PRUNE2: variants seen among roughly 807,000 people sequenced by gnomAD.
PRUNE2 encodes protein prune homolog 2.
In PRUNE2, 164 loss-of-function variants were observed where a neutral mutation model predicts 252.0. The observed-to-expected ratio is 0.65, with a 90% confidence interval of 0.57 to 0.74. PRUNE2 has a LOEUF of 0.74. Among genes scored for constraint, PRUNE2 ranks in the 30% least tolerant of loss-of-function variants. PRUNE2 has a pLI of 0.00. For synonymous variants in PRUNE2, 1,292 were observed against 1,350.2 expected (o/e 0.96, Z 0.94); for missense variants, 3,495 against 3,711.0 (o/e 0.94, Z 1.51).
rs537326070 is a variant in PRUNE2 at position 76,883,830 on chromosome 9, CTCTT to C, written c.36+22094_36+22097del. 2.6e-4 allele frequency among the ~76,000 whole-genome samples: 39 copies of C among 152,302 alleles called. No homozygotes were observed. The South Asian group carries it at 6.4e-3, about 25-fold the overall frequency. ...TGTTGCTCCTCTCATCAAGAGAAGTCTCTTTCTCCATCCCTTGAATCTAGACTTG... is the reference window on the plus strand; with the variant it reads ...TGTTGCTCCTCTCATCAAGAGAAGTCTCTCCATCCCTTGAATCTAGACTTG... On this transcript the variant is annotated intron_variant, in intron 1 of 18. Coordinates refer to ENST00000376718, the MANE Select transcript of PRUNE2 (RefSeq NM_015225.3).
chr9:76,645,640 A>G (rs1271522734), intron 11 of PRUNE2, among the ~76,000 whole-genome samples: 6 of 152,012 alleles, frequency 3.9e-5, no homozygotes, highest in Non-Finnish European at 2.9e-5. Context: ...ACTCTTGTGC[A>G]TTTAAAAAAA....
At chr9:76,780,670 G>A (rs112902959) in intron 6 of PRUNE2, among the ~76,000 whole-genome samples, 11 of 152,182 alleles carry the variant, frequency 7.2e-5, no homozygotes, top group Admixed American at 4.6e-4. Flanking sequence ...CAGCCTGGGC[G>A]ACAGAGCAAG....
chr9:76,708,123 C>T lies in PRUNE2; in HGVS notation c.4151G>A (p.Ser1384Asn), dbSNP rs747043976. ...QEICIKSGKI[S>N]SLAVTFSPQT... ...AGGACTGAAAGTGACAGCAAGAGAG[C>T]TGATTTTGCCTGATTTAATGCAGAT... The change falls in exon 8 of 19, where the codon AGC becomes AAC. Residue 1384 changes from serine (S) to asparagine (N), a missense_variant. Transcript: ENST00000376718. The T allele has an allele frequency of 1.2e-6, 2 of 1,613,986 alleles. No individual in the cohort carries two copies. The highest frequency in any genetic ancestry group is 2.2e-5 in the East Asian group (1 of 44,874).
At chr9:76,743,711 AT>A (rs1311968309) in intron 6 of PRUNE2, among the ~76,000 whole-genome samples, 5 of 152,226 alleles carry the variant, frequency 3.3e-5, no homozygotes, top group Non-Finnish European at 7.3e-5. Context: ...CTATGATTCT[AT>A]TGCTAACATT....
At chr9:76,895,884 A>G (rs12338817) in intron 1 of PRUNE2, among the ~76,000 whole-genome samples, 6,542 of 152,168 alleles carry the variant, frequency 0.043, 484 homozygotes, top group African/African-American at 0.15. Context: ...CCCGGGTTCA[A>G]GTGATTCTCC....
intron 9 of PRUNE2, among the ~76,000 whole-genome samples, chr9:76,665,010 A>C (rs1004896266): frequency 6.6e-6 from 1 of 152,110 alleles, no homozygotes; most frequent in African/African-American, 2.4e-5. Flanking sequence ...TTCTCACTAC[A>C]AAAGCCTTAG....
chr9:76,638,858 T>C (rs1254018002), intron 12 of PRUNE2, among the ~76,000 whole-genome samples: 1 of 152,216 alleles, frequency 6.6e-6, no homozygotes, highest in Non-Finnish European at 1.5e-5. Context: ...TTTATTTTGA[T>C]TTCGAGGCCT....
Position 76,881,873 on chromosome 9 carries a change from G to A in PRUNE2, c.36+24055C>T, listed in dbSNP as rs112562431. ...CCTGACCTCGTGATCTGCCCGCCTC[G>A]GCCTCCCAAAGTGCTGGGATTACAG... On this transcript the variant is annotated intron_variant, in intron 1 of 18. Transcript: ENST00000376718. Among the ~76,000 whole-genome samples, 753 of 151,884 alleles carry A rather than the reference G, an allele frequency of 5.0e-3. 5 individuals are homozygous for A. Among genetic ancestry groups the A allele is most frequent in the African/African-American group, 0.017 (720 of 41,436 alleles).
chr9:76,772,425 G>C (rs556687186), intron 6 of PRUNE2, among the ~76,000 whole-genome samples: 1 of 152,072 alleles, frequency 6.6e-6, no homozygotes, highest in South Asian at 2.1e-4. Flanking sequence ...CACTTGCTAC[G>C]TAGTCTTGAA....
At chr9:76,852,191 A>G (rs542648429) in intron 2 of PRUNE2, among the ~76,000 whole-genome samples, 52 of 152,396 alleles carry the variant, frequency 3.4e-4, no homozygotes, top group Non-Finnish European at 2.6e-4. Flanking sequence ...CAAAGCACAA[A>G]GCCACTCCAA....
chr9:76,903,836 C>A (rs2063325182), intron 1 of PRUNE2, among the ~76,000 whole-genome samples: 1 of 152,198 alleles, frequency 6.6e-6, no homozygotes, highest in Non-Finnish European at 1.5e-5. Context: ...GATCCACCCG[C>A]CTCAGCCTCC....
intron 12 of PRUNE2, among the ~76,000 whole-genome samples, chr9:76,642,137 C>T (rs1009917466): frequency 2.6e-5 from 4 of 152,018 alleles, no homozygotes. Context: ...TCAGAGGGAC[C>T]CCGTACTGTT....
intron 11 of PRUNE2, among the ~76,000 whole-genome samples, chr9:76,648,264 C>T (rs1845770420): frequency 6.6e-6 from 1 of 152,154 alleles, no homozygotes; most frequent in African/African-American, 2.4e-5. Context: ...TTGGCAGTTT[C>T]TTACAAAATT....
At chr9:76,832,045 G>A (rs2058700597) in intron 4 of PRUNE2, among the ~76,000 whole-genome samples, 1 of 152,044 alleles carries the variant, frequency 6.6e-6, no homozygotes, top group South Asian at 2.1e-4. Flanking sequence ...TTAATAAGGG[G>A]TCAATCCTCT....
At chr9:76,732,047 G>C (rs2048658959) in intron 6 of PRUNE2, among the ~76,000 whole-genome samples, 1 of 152,180 alleles carries the variant, frequency 6.6e-6, no homozygotes, top group Admixed American at 6.5e-5. Flanking sequence ...GGGCGCGGTG[G>C]CTCACGCCTG....
chr9:76,668,130 T>C (rs1389672613), intron 9 of PRUNE2, among the ~76,000 whole-genome samples: 3 of 152,238 alleles, frequency 2.0e-5, no homozygotes, highest in Non-Finnish European at 4.4e-5. Context: ...TTTTTGGTTG[T>C]AGTCATCAAA....
At chr9:76,882,392 T>C (rs910260110) in intron 1 of PRUNE2, among the ~76,000 whole-genome samples, 2 of 152,232 alleles carry the variant, frequency 1.3e-5, no homozygotes, top group Non-Finnish European at 2.9e-5. Context: ...TAATAAAATA[T>C]GTGTTTGCAC....
At chr9:76,692,501 A>G (rs1026667570) in intron 9 of PRUNE2, 1 of 202,664 alleles carries the variant, frequency 4.9e-6, no homozygotes, top group African/African-American at 2.3e-5. Context: ...GCACATACCT[A>G]TATGACAGCA....
chr9:76,736,306 C>T (rs2049069351), intron 6 of PRUNE2, among the ~76,000 whole-genome samples: 1 of 152,100 alleles, frequency 6.6e-6, no homozygotes, highest in South Asian at 2.1e-4. Flanking sequence ...TGTCATATGA[C>T]ATACTTTATG....
Sources: allele counts gnomAD v4.1 joint callset (sites outside exome capture counted in the v4.1 genomes callset), GRCh38; gene constraint gnomAD v4.1.1; transcripts MANE v1.5; gene names NCBI Gene and HGNC (gene_info 2026-07-23, HGNC 2026-07-21).